ENTPD1: variants seen among roughly 807,000 people sequenced by gnomAD.
ENTPD1 encodes ectonucleoside triphosphate diphosphohydrolase 1.
A neutral mutation model predicts 57.0 loss-of-function variants in ENTPD1; 33 were observed. The observed-to-expected ratio is 0.58, with a 90% CI of 0.44 to 0.77. The LOEUF (loss-of-function observed/expected upper bound fraction) is 0.77. ENTPD1 is among the 30% of genes least tolerant of loss of function. The pLI is 0.00. For synonymous variants in ENTPD1, 202 were observed against 218.8 expected, an observed-to-expected ratio of 0.92 and a Z score of 0.68; for missense variants, 501 against 603.4, an observed-to-expected ratio of 0.83 and a Z score of 1.78.
At chr10:95,763,264 T>A (rs1167057662) in intron 1 of ENTPD1, among the ~76,000 whole-genome samples, 6 of 152,142 alleles carry the variant, frequency 3.9e-5, no homozygotes, top group African/African-American at 1.2e-4. Flanking sequence ...TGTGAATAGA[T>A]CCAACACATT....
At chr10:95,842,288 A>G in intron 3 of ENTPD1, 56 bp from the exon 4 acceptor site, 3 of 1,484,268 alleles carry the variant, frequency 2.0e-6, no homozygotes, top group Non-Finnish European at 1.9e-6. Context: ...ACTATTGTCA[A>G]GGTATGTTTT....
intron 1 of ENTPD1, among the ~76,000 whole-genome samples, chr10:95,818,443 T>C (rs889967363): frequency 6.6e-6 from 1 of 152,250 alleles, no homozygotes; most frequent in Non-Finnish European, 1.5e-5. Context: ...AGGTTCTTGA[T>C]AAGGTAGAGT....
At chr10:95,863,155 G>A (rs901897604) in intron 8 of ENTPD1, among the ~76,000 whole-genome samples, 1 of 152,202 alleles carries the variant, frequency 6.6e-6, no homozygotes, top group Admixed American at 6.5e-5. Context: ...CCTTCAGGAG[G>A]CCAGACTGCA....
At chr10:95,850,637 C>T (rs2098443415) in intron 7 of ENTPD1, among the ~76,000 whole-genome samples, 1 of 152,154 alleles carries the variant, frequency 6.6e-6, no homozygotes, top group Non-Finnish European at 1.5e-5. Context: ...AGAATCAGCT[C>T]TTGTGAGTAC....
chr10:95,720,158 C>T (rs190203117), intron 1 of ENTPD1, among the ~76,000 whole-genome samples: 6 of 152,132 alleles, frequency 3.9e-5, no homozygotes, highest in South Asian at 2.1e-4. Flanking sequence ...TGTTGGGCCT[C>T]GGGTGTAAGG....
At chr10:95,865,881 A>G (rs983087360) in intron 9 of ENTPD1, among the ~76,000 whole-genome samples, 1 of 151,768 alleles carries the variant, frequency 6.6e-6, no homozygotes, top group Non-Finnish European at 1.5e-5. Flanking sequence ...GATCCTCCCC[A>G]CCCAGGCTCC....
rs1168544958 is a variant in ENTPD1, at chr10:95,823,230, G to A, written c.17-7G>A. The A allele has an allele frequency of 6.2e-7, 1 of 1,613,932 alleles. No homozygotes were observed. On this transcript the variant is annotated splice_polypyrimidine_tract_variant and splice_region_variant and intron_variant, in intron 1 of 9. Transcript: ENST00000371205. ...TTGGTATTTTTTTCTTCTGCTTTTG[G>A]TTTTAGAGTCTAACGTGAAGACATT...
intron 2 of ENTPD1, among the ~76,000 whole-genome samples, chr10:95,829,250 C>G (rs1176217010): frequency 6.6e-6 from 1 of 152,132 alleles, no homozygotes; most frequent in Non-Finnish European, 1.5e-5. Flanking sequence ...AGCAAATTAC[C>G]ACATTGGGCC....
At chr10:95,699,134 C>T in the ENTPD1 span, among the ~76,000 whole-genome samples, 1 of 151,934 alleles carries the variant, frequency 6.6e-6, no homozygotes, top group East Asian at 1.9e-4. Flanking sequence ...ATGATCACAC[C>T]AGTGCACTCT....
At chr10:95,825,736 C>T (rs1442747566) in intron 2 of ENTPD1, among the ~76,000 whole-genome samples, 1 of 152,136 alleles carries the variant, frequency 6.6e-6, no homozygotes, top group African/African-American at 2.4e-5. Flanking sequence ...CGCCATCACG[C>T]CCGGCTAATT....
upstream of ENTPD1, chr10:95,755,743 T>G (rs2098020574): frequency 6.5e-7 from 1 of 1,537,106 alleles, no homozygotes; most frequent in African/African-American, 1.4e-5. Context: ...TTCTTGACTT[T>G]CAGTTTTTCG....
At chr10:95,811,951 C>T (rs1053492437) in intron 1 of ENTPD1, among the ~76,000 whole-genome samples, 2 of 152,130 alleles carry the variant, frequency 1.3e-5, no homozygotes, top group Non-Finnish European at 2.9e-5. Flanking sequence ...AATTAGAATT[C>T]TTCAGTCAAA....
At chr10:95,819,290 A>G (rs1411386919) in intron 1 of ENTPD1, among the ~76,000 whole-genome samples, 1 of 151,984 alleles carries the variant, frequency 6.6e-6, no homozygotes, top group Non-Finnish European at 1.5e-5. Context: ...CAGCCTCCCA[A>G]ATAGCTGGGA....
chr10:95,806,224 A>G (rs530636160), intron 1 of ENTPD1, among the ~76,000 whole-genome samples: 1 of 151,914 alleles, frequency 6.6e-6, no homozygotes, highest in African/African-American at 2.4e-5. Context: ...TTCTCTTCTC[A>G]CTTTATTTCA....
rs1337231624 is a variant in ENTPD1, at chr10:95,756,193, G to GT, written c.-47_-46insT. 2.5e-6 allele frequency: 4 copies of GT among 1,577,970 alleles called. No homozygotes were observed. The highest frequency in any genetic ancestry group is 2.3e-5 in the East Asian group (1 of 42,712). On this transcript the variant is annotated 5_prime_UTR_variant, in exon 1 of 10. Transcript: ENST00000371205. ...GACGGACCACAGCAAGCAGAGGCTG[G>GT]GGGGGGGAAAGACGAGGAAAGAGGA...
In ENTPD1 at chr10:95,770,851, A is replaced by AC. The variant is rs1161658052; in HGVS notation, c.16+14597dup. 3.3e-5 allele frequency among the ~76,000 whole-genome samples: 5 copies of AC among 152,220 alleles called. No homozygotes were observed. The East Asian group carries it at 9.6e-4, about 29-fold the overall frequency. ...TCAGTGGATTTTAGTGCTAGAAGAGACTTAAATATCCTCAAATCTCTTAAT... is the reference window on the plus strand; with the variant it reads ...TCAGTGGATTTTAGTGCTAGAAGAGACCTTAAATATCCTCAAATCTCTTAAT... On this transcript the variant is annotated intron_variant, in intron 1 of 9. Coordinates refer to ENST00000371205, the MANE Select transcript of ENTPD1 (RefSeq NM_001776.6).
chr10:95,781,075 A>G (rs929440487), intron 1 of ENTPD1, among the ~76,000 whole-genome samples: 1 of 152,274 alleles, frequency 6.6e-6, no homozygotes, highest in African/African-American at 2.4e-5. Context: ...CTATTCAGCC[A>G]TAAACATAAT....
At chr10:95,766,283 G>A (rs1370344256) in intron 1 of ENTPD1, among the ~76,000 whole-genome samples, 1 of 152,082 alleles carries the variant, frequency 6.6e-6, no homozygotes, top group Non-Finnish European at 1.5e-5. Context: ...TATAACCACA[G>A]TACAGTAGTC....
chr10:95,716,100 T>C (rs2097971207), intron 1 of ENTPD1, among the ~76,000 whole-genome samples: 1 of 152,226 alleles, frequency 6.6e-6, no homozygotes, highest in Admixed American at 6.5e-5. Flanking sequence ...TCTTGGTCTC[T>C]AGCAATCCTC....
Sources: allele counts gnomAD v4.1 joint callset (sites outside exome capture counted in the v4.1 genomes callset), GRCh38; gene constraint gnomAD v4.1.1; transcripts MANE v1.5; gene names NCBI Gene and HGNC (gene_info 2026-07-23, HGNC 2026-07-21).